The following EYS variants were observed in gnomAD, a reference collection of about 807,000 sequenced individuals.
The protein encoded by EYS is EGF-like photoreceptor maintenance factor.
EYS carries 250 observed loss-of-function variants against 282.1 expected under a neutral mutation model. The observed-to-expected ratio is 0.89, with a 90% CI of 0.80 to 0.98. The LOEUF (loss-of-function observed/expected upper bound fraction) is 0.98, where lower values mean the gene tolerates loss of function less well. EYS is among the 50% of genes least tolerant of loss of function. EYS has a pLI of 0.00. For missense variants in EYS, 4,016 were observed against 3,709.0 expected (o/e 1.08, Z -2.15); for synonymous variants, 1,355 against 1,282.9 (o/e 1.06, Z -1.20).
chr6:64,210,533 C>T (rs1471124178), intron 31 of EYS, among the ~76,000 whole-genome samples: 1 of 152,110 alleles, frequency 6.6e-6, no homozygotes, highest in Middle Eastern at 3.2e-3. Flanking sequence ...TTCATCACCT[C>T]TTTAATGCCC....
rs142170542 is a variant in EYS at position 64,150,099 on chromosome 6, G to T, written c.6425-68097C>A. ...TTCTAGGGCCTGGGATTCAAAGTGT[G>T]GTCCACAGAGCTGCAGTTTTAGCAT... On this transcript the variant is annotated intron_variant, in intron 31 of 42. Transcript: ENST00000503581. Among the ~76,000 whole-genome samples the T allele has an allele frequency of 1.1e-4, 17 of 152,258 alleles. No individual in the cohort carries two copies. The East Asian group carries it at 3.1e-3, about 28-fold the overall frequency.
intron 21 of EYS, among the ~76,000 whole-genome samples, chr6:64,819,312 C>A (rs1221811944): frequency 6.6e-6 from 1 of 151,974 alleles, no homozygotes; most frequent in Non-Finnish European, 1.5e-5. Flanking sequence ...AGCAAAATTA[C>A]ATATAGAGTA....
chr6:63,755,828 C>T (rs956992270), intron 41 of EYS, among the ~76,000 whole-genome samples: 5 of 152,130 alleles, frequency 3.3e-5, no homozygotes, highest in African/African-American at 4.8e-5. Flanking sequence ...GTTTGTAGTT[C>T]TCCTTGAAGA....
chr6:65,694,595 G>C (rs547885677), intron 1 of EYS, among the ~76,000 whole-genome samples: 1 of 150,072 alleles, frequency 6.7e-6, no homozygotes, highest in Admixed American at 6.7e-5. Context: ...TATAAATATA[G>C]TTAACAGTGT....
At chr6:64,082,343 G>A (rs1347876916) in intron 31 of EYS, among the ~76,000 whole-genome samples, 2 of 152,062 alleles carry the variant, frequency 1.3e-5, no homozygotes, top group Admixed American at 1.3e-4. Flanking sequence ...GCGATATTTT[G>A]TGATGTGAAG....
intron 5 of EYS, among the ~76,000 whole-genome samples, chr6:65,454,088 T>C (rs970574947): frequency 3.3e-5 from 5 of 151,246 alleles, no homozygotes; most frequent in African/African-American, 1.2e-4. Flanking sequence ...TTTTCATTTT[T>C]TGAGGAACTT....
At chr6:63,912,263 C>G (rs531546317) in intron 35 of EYS, among the ~76,000 whole-genome samples, 1 of 152,070 alleles carries the variant, frequency 6.6e-6, no homozygotes, top group Non-Finnish European at 1.5e-5. Flanking sequence ...TCACTGGCTA[C>G]CCTGATGGCT....
chr6:65,050,156 C>CAA (rs138948000), intron 13 of EYS, among the ~76,000 whole-genome samples: 4 of 151,274 alleles, frequency 2.6e-5, no homozygotes, highest in Admixed American at 2.6e-4. Context: ...ATAAAAGAAG[C>CAA]AAAAAAATAT....
At chr6:64,503,205 A>G (rs1777106374) in intron 26 of EYS, among the ~76,000 whole-genome samples, 2 of 152,182 alleles carry the variant, frequency 1.3e-5, no homozygotes, top group South Asian at 2.1e-4. Flanking sequence ...GTTTCTTCAC[A>G]TATCTATGGA....
intron 41 of EYS, among the ~76,000 whole-genome samples, chr6:63,759,711 A>T (rs1214757358): frequency 1.3e-5 from 2 of 152,098 alleles, no homozygotes; most frequent in Non-Finnish European, 2.9e-5. Flanking sequence ...AAGCATGTGC[A>T]TTGCTTGCTG....
intron 22 of EYS, among the ~76,000 whole-genome samples, chr6:64,677,754 C>A (rs11759039): frequency 0.11 from 16,881 of 152,068 alleles, 1,113 homozygotes; most frequent in East Asian, 0.16. Context: ...ATGTCTAATT[C>A]TGTCATTTTC....
At chr6:65,107,107 G>GA (rs201082705) in intron 12 of EYS, among the ~76,000 whole-genome samples, 217 of 150,690 alleles carry the variant, frequency 1.4e-3, no homozygotes, top group African/African-American at 4.0e-3. Context: ...GGATACAGGA[G>GA]AAAAAAAAAT....
At chr6:65,474,331 C>T (rs1369626907) in intron 5 of EYS, among the ~76,000 whole-genome samples, 1 of 152,008 alleles carries the variant, frequency 6.6e-6, no homozygotes, top group African/African-American at 2.4e-5. Context: ...GAAAAAAGAA[C>T]GTGTGGTGTG....
At chr6:65,277,590 T>C (rs549012806) in intron 12 of EYS, among the ~76,000 whole-genome samples, 8 of 152,126 alleles carry the variant, frequency 5.3e-5, no homozygotes, top group Admixed American at 6.6e-5. Flanking sequence ...ACATCTATCC[T>C]TAAGAACAGT....
intron 35 of EYS, among the ~76,000 whole-genome samples, chr6:63,908,800 A>C (rs2149736542): frequency 6.6e-6 from 1 of 152,204 alleles, no homozygotes; most frequent in East Asian, 1.9e-4. Context: ...CTAAATGGCT[A>C]TTTTCTATCT....
intron 33 of EYS, among the ~76,000 whole-genome samples, chr6:64,003,857 C>G (rs1001792226): frequency 2.0e-5 from 3 of 152,186 alleles, no homozygotes; most frequent in South Asian, 4.2e-4. Context: ...GCTTTTCCCC[C>G]TCTTTGCTCT....
Position 64,963,904 on chromosome 6 carries a change from C to T in EYS, c.2260-17990G>A, listed in dbSNP as rs535996944. Reference sequence around the variant, plus strand: ...AAATAAACTCTTTTAAGTTGTAATACATAATATAGAATTACAATATATTAT... The same window carrying T: ...AAATAAACTCTTTTAAGTTGTAATATATAATATAGAATTACAATATATTAT... On this transcript the variant is annotated intron_variant, in intron 14 of 42. Transcript: ENST00000503581. Among the ~76,000 whole-genome samples, 10 of 152,132 alleles carry T rather than the reference C, an allele frequency of 6.6e-5. No individual in the cohort carries two copies. In the East Asian group the frequency reaches 1.5e-3, roughly 23 times the overall value.
intron 12 of EYS, among the ~76,000 whole-genome samples, chr6:65,289,281 C>A (rs1768455401): frequency 6.6e-6 from 1 of 150,572 alleles, no homozygotes; most frequent in South Asian, 2.1e-4. Flanking sequence ...TTATTAAAAC[C>A]AACTGGCATG....
At chr6:64,355,204 G>A (rs1323914380) in intron 29 of EYS, among the ~76,000 whole-genome samples, 1 of 151,604 alleles carries the variant, frequency 6.6e-6, no homozygotes, top group African/African-American at 2.4e-5. Flanking sequence ...CCGATTGTGT[G>A]TATAATACAC....
Sources: allele counts gnomAD v4.1 joint callset (sites outside exome capture counted in the v4.1 genomes callset), GRCh38; gene constraint gnomAD v4.1.1; transcripts MANE v1.5; gene names NCBI Gene and HGNC (gene_info 2026-07-23, HGNC 2026-07-21).